RBMS3: variants seen among roughly 807,000 people sequenced by gnomAD.
The protein encoded by RBMS3 is RNA-binding motif, single-stranded-interacting protein 3.
Under a neutral mutation model 66.8 loss-of-function variants are expected in RBMS3, and 27 were observed. That is an observed-to-expected ratio of 0.40 (90% CI 0.30 to 0.56). The LOEUF (loss-of-function observed/expected upper bound fraction) is 0.56. RBMS3 is among the 20% of genes least tolerant of loss of function. The pLI, the probability that RBMS3 is intolerant of heterozygous loss-of-function variation, is 0.40. For synonymous variants in RBMS3, 188 were observed against 183.0 expected (o/e 1.03, Z -0.22); for missense variants, 513 against 549.5 (o/e 0.93, Z 0.66).
intron 10 of RBMS3, among the ~76,000 whole-genome samples, chr3:29,921,019 C>T (rs2060762863): frequency 6.6e-6 from 1 of 152,014 alleles, no homozygotes; most frequent in Non-Finnish European, 1.5e-5. Context: ...TTGGGTCTAG[C>T]CTATGAAGAA....
chr3:29,486,807 G>A (rs927035561), intron 2 of RBMS3, among the ~76,000 whole-genome samples: 2 of 152,106 alleles, frequency 1.3e-5, no homozygotes, highest in Non-Finnish European at 2.9e-5. Flanking sequence ...CTAAATTTCA[G>A]TTTAGAAGGT....
intron 14 of RBMS3, among the ~76,000 whole-genome samples, chr3:29,995,194 C>T (rs1275981317): frequency 7.3e-5 from 11 of 151,426 alleles, no homozygotes; most frequent in South Asian, 4.2e-4. Flanking sequence ...TGAAATGAAG[C>T]GAGAAGGGAA....
At chr3:29,342,025 A>G (rs1277037092) in intron 1 of RBMS3, among the ~76,000 whole-genome samples, 2 of 152,186 alleles carry the variant, frequency 1.3e-5, no homozygotes, top group African/African-American at 4.8e-5. Context: ...GTCAGATTGC[A>G]TCCCTGGAGA....
intron 1 of RBMS3, among the ~76,000 whole-genome samples, chr3:29,387,202 T>C (rs942262424): frequency 1.3e-5 from 2 of 152,200 alleles, no homozygotes; most frequent in South Asian, 2.1e-4. Context: ...TCACTATGGT[T>C]GACTTCTCAC....
intron 12 of RBMS3, among the ~76,000 whole-genome samples, chr3:29,960,845 A>G (rs1262854550): frequency 3.9e-5 from 6 of 152,116 alleles, no homozygotes; most frequent in African/African-American, 1.4e-4. Context: ...CCTAGGCTGC[A>G]CACAGTGAAG....
In RBMS3 at chr3:29,899,697, A is replaced by T; in HGVS notation, c.889-8A>T. 1 of 1,609,082 alleles carries T rather than the reference A, an allele frequency of 6.2e-7. No individual in the cohort carries two copies. Among genetic ancestry groups the T allele is most frequent in the African/African-American group, 1.3e-5 (1 of 74,606 alleles). On this transcript the variant is annotated splice_polypyrimidine_tract_variant and splice_region_variant and intron_variant, in intron 9 of 14. Coordinates refer to ENST00000383767, the MANE Select transcript of RBMS3 (RefSeq NM_001003793.3). The stretch of plus-strand genomic sequence containing the variant: ...GCTTTGTGCTAATAAATGCTGTTTG[A>T]TGCATAGGTCCAGAGTACTTCATGG...
intron 1 of RBMS3, among the ~76,000 whole-genome samples, chr3:29,379,920 A>G (rs550389501): frequency 6.6e-6 from 1 of 152,270 alleles, no homozygotes; most frequent in South Asian, 2.1e-4. Context: ...AATGAGGAAG[A>G]CTTAATTTAG....
intron 10 of RBMS3, chr3:29,926,726 C>G (rs576687734): frequency 6.6e-6 from 1 of 152,186 alleles, no homozygotes; most frequent in African/African-American, 2.4e-5. Flanking sequence ...AATATTCAGA[C>G]GTCTTCTGGG....
intron 4 of RBMS3, among the ~76,000 whole-genome samples, chr3:29,591,265 T>A (rs2047727110): frequency 6.6e-6 from 1 of 152,176 alleles, no homozygotes. Flanking sequence ...TGTGATTGCA[T>A]CTGGTGACTC....
chr3:29,930,051 G>A (rs955025114), intron 10 of RBMS3, among the ~76,000 whole-genome samples: 3 of 148,888 alleles, frequency 2.0e-5, no homozygotes, highest in African/African-American at 4.9e-5. Context: ...TCTAAAATGT[G>A]CTATTAGTTG....
chr3:29,880,707 C>A, intron 7 of RBMS3: 1 of 1,385,558 alleles, frequency 7.2e-7, no homozygotes, highest in Non-Finnish European at 9.9e-7. Flanking sequence ...TTAACCCATG[C>A]CATGTTGTTA....
At position 29,413,726 on chromosome 3, in the gene RBMS3, C is replaced by T. The variant is rs964856227; in HGVS notation, c.76-21017C>T. ...ATCCTCAGTGCTGGATTTCCATTTCCGTTTCTAGGTGAAGAGAACTGAATT... is the reference window on the plus strand; with the variant it reads ...ATCCTCAGTGCTGGATTTCCATTTCTGTTTCTAGGTGAAGAGAACTGAATT... On this transcript the variant is annotated intron_variant, in intron 1 of 14. Transcript: ENST00000383767. Among the ~76,000 whole-genome samples the T allele has an allele frequency of 2.6e-5, 4 of 152,082 alleles. No individual in the cohort carries two copies. In the East Asian group the frequency reaches 7.7e-4, roughly 29 times the overall value.
rs187730431 is a variant in RBMS3, at chr3:29,495,551, G to A, written c.307+7052G>A. 1.6e-3 allele frequency among the ~76,000 whole-genome samples: 241 copies of A among 151,436 alleles called. 1 individual carries two copies. The highest frequency in any genetic ancestry group is 5.6e-3 in the African/African-American group (233 of 41,290). On this transcript the variant is annotated intron_variant, in intron 3 of 14. Coordinates refer to ENST00000383767, the MANE Select transcript of RBMS3 (RefSeq NM_001003793.3). ...CTGCCTCAGCCTCCCGAGTAGCTGGGATTACAGGTGCGCGCCACCATGCCC... is the reference window on the plus strand; with the variant it reads ...CTGCCTCAGCCTCCCGAGTAGCTGGAATTACAGGTGCGCGCCACCATGCCC...
intron 6 of RBMS3, chr3:29,765,703 A>G: frequency 6.6e-6 from 1 of 151,970 alleles, no homozygotes; most frequent in East Asian, 1.9e-4. Context: ...GAAAGATTGA[A>G]TATGATGTCA....
At chr3:29,384,860 T>C (rs2038938980) in intron 1 of RBMS3, among the ~76,000 whole-genome samples, 1 of 152,340 alleles carries the variant, frequency 6.6e-6, no homozygotes, top group East Asian at 1.9e-4. Context: ...TTTGGTTGGC[T>C]CAGATTACCT....
chr3:29,508,402 C>T (rs1285071090), intron 3 of RBMS3, among the ~76,000 whole-genome samples: 1 of 152,128 alleles, frequency 6.6e-6, no homozygotes, highest in East Asian at 1.9e-4. Flanking sequence ...CTCCCTGTGT[C>T]CATGCGTTCT....
chr3:29,466,878 C>A (rs767753235), intron 2 of RBMS3, among the ~76,000 whole-genome samples: 10 of 152,020 alleles, frequency 6.6e-5, no homozygotes, highest in Non-Finnish European at 1.3e-4. Flanking sequence ...TGTTTTATTA[C>A]CATTGTATTC....
chr3:29,455,445 T>A (rs552720083), intron 2 of RBMS3, among the ~76,000 whole-genome samples: 1 of 151,848 alleles, frequency 6.6e-6, no homozygotes, highest in African/African-American at 2.4e-5. Context: ...AAACACTGGA[T>A]TATCAAATAT....
chr3:29,526,827 CTCTT>C (rs1449341588), intron 3 of RBMS3, among the ~76,000 whole-genome samples: 2 of 152,122 alleles, frequency 1.3e-5, no homozygotes, highest in East Asian at 1.9e-4. Context: ...ATTCCTCCCT[CTCTT>C]TCTCTTTCTC....
Sources: allele counts gnomAD v4.1 joint callset (sites outside exome capture counted in the v4.1 genomes callset), GRCh38; gene constraint gnomAD v4.1.1; transcripts MANE v1.5; gene names NCBI Gene and HGNC (gene_info 2026-07-23, HGNC 2026-07-21).